The following IQGAP2 variants were observed in gnomAD, a reference collection of about 807,000 sequenced individuals.
IQGAP2 encodes the protein IQ motif containing GTPase activating protein 2.
Under a neutral mutation model 201.3 loss-of-function variants are expected in IQGAP2, and 173 were observed. That is an observed-to-expected ratio of 0.86 (90% CI 0.76 to 0.98). The LOEUF (loss-of-function observed/expected upper bound fraction) is 0.98. Ranked by LOEUF, IQGAP2 falls within the 50% of genes least tolerant of loss-of-function variation. The pLI is 0.00. For missense variants in IQGAP2, 1,687 were observed against 1,864.8 expected (o/e 0.90, Z 1.76); for synonymous variants, 675 against 673.9 (o/e 1.00, Z -0.03).
intron 1 of IQGAP2, among the ~76,000 whole-genome samples, chr5:76,438,622 T>C (rs1289992721): frequency 1.3e-5 from 2 of 152,118 alleles, no homozygotes; most frequent in African/African-American, 4.8e-5. Context: ...TTTGTATTTT[T>C]AGCAGAGATG....
chr5:76,409,825 T>C (rs1019267426), intron 1 of IQGAP2, among the ~76,000 whole-genome samples: 3 of 152,236 alleles, frequency 2.0e-5, no homozygotes, highest in Non-Finnish European at 4.4e-5. Context: ...CTGCTCTATT[T>C]TATTTTTCTC....
rs1266835966 is a variant in IQGAP2 at position 76,575,691 on chromosome 5, A to T, written c.382-2A>T. On this transcript the variant is annotated splice_acceptor_variant, in intron 4 of 35. Coordinates refer to ENST00000274364, the MANE Select transcript of IQGAP2 (RefSeq NM_006633.5). LOFTEE classifies it high-confidence loss of function. ...ATAAATATTGTTTCTTTTGTTTTCC[A>T]GATATTTTATCCAGAAACAACAGAT... 1 of 1,548,596 alleles carries T rather than the reference A, an allele frequency of 6.5e-7. No individual in the cohort carries two copies. The highest frequency in any genetic ancestry group is 8.8e-7 in the Non-Finnish European group (1 of 1,136,698).
At chr5:76,525,748 A>G (rs576943036) in intron 2 of IQGAP2, among the ~76,000 whole-genome samples, 47 of 152,336 alleles carry the variant, frequency 3.1e-4, no homozygotes, top group Admixed American at 2.2e-3. Context: ...AATATTTAAG[A>G]AAACACTTAT....
intron 35 of IQGAP2, among the ~76,000 whole-genome samples, chr5:76,706,030 T>A (rs1747861055): frequency 6.6e-6 from 1 of 152,234 alleles, no homozygotes. Flanking sequence ...GGGCTTGTTC[T>A]CAGTACAGAA....
chr5:76,533,146 C>T (rs960065970), intron 2 of IQGAP2, among the ~76,000 whole-genome samples: 3 of 152,142 alleles, frequency 2.0e-5, no homozygotes, highest in Non-Finnish European at 4.4e-5. Context: ...TTAGTTATCT[C>T]CTTTTTGAAG....
intron 2 of IQGAP2, among the ~76,000 whole-genome samples, chr5:76,510,976 G>A (rs1158118199): frequency 6.6e-6 from 1 of 152,230 alleles, no homozygotes; most frequent in Admixed American, 6.5e-5. Context: ...ATCTATGACA[G>A]TTGGATCATG....
chr5:76,426,569 G>T (rs944702966), intron 1 of IQGAP2, among the ~76,000 whole-genome samples: 6 of 152,162 alleles, frequency 3.9e-5, no homozygotes, highest in African/African-American at 1.2e-4. Flanking sequence ...CAAACACTGG[G>T]GCTTGTGCCA....
intron 1 of IQGAP2, among the ~76,000 whole-genome samples, chr5:76,444,211 C>A (rs1055650025): frequency 2.0e-5 from 3 of 152,088 alleles, no homozygotes; most frequent in Non-Finnish European, 2.9e-5. Context: ...CATAGTGAGA[C>A]CCTGTCTCTA....
chr5:76,635,411 C>T (rs553544877), intron 15 of IQGAP2, among the ~76,000 whole-genome samples: 1 of 152,292 alleles, frequency 6.6e-6, no homozygotes, highest in Middle Eastern at 3.4e-3. Context: ...AAATTTTTTA[C>T]TTCTCAGTTC....
intron 1 of IQGAP2, among the ~76,000 whole-genome samples, chr5:76,442,787 G>T (rs774136288): frequency 6.6e-6 from 1 of 152,130 alleles, no homozygotes; most frequent in Non-Finnish European, 1.5e-5. Flanking sequence ...AGGAATTTGA[G>T]ACCAGCTGGC....
At chr5:76,486,450 T>C (rs887720784) in intron 2 of IQGAP2, among the ~76,000 whole-genome samples, 1 of 152,228 alleles carries the variant, frequency 6.6e-6, no homozygotes, top group African/African-American at 2.4e-5. Flanking sequence ...ATTAATATAC[T>C]GCTTTATGTT....
At position 76,489,189 on chromosome 5, in the gene IQGAP2, G is replaced by A. The variant is rs567598765; in HGVS notation, c.146+27520G>A. Reference sequence around the variant, plus strand: ...GAACAGTTTGACCTATGGATGAGCCGATCTGGAGAGCCTGCCTGGTGGGAG... The same window carrying A: ...GAACAGTTTGACCTATGGATGAGCCAATCTGGAGAGCCTGCCTGGTGGGAG... On this transcript the variant is annotated intron_variant, in intron 2 of 35. Coordinates refer to ENST00000274364, the MANE Select transcript of IQGAP2 (RefSeq NM_006633.5). Among the ~76,000 whole-genome samples the A allele has an allele frequency of 7.1e-4, 108 of 152,234 alleles. 1 individual carries two copies. The highest frequency in any genetic ancestry group is 2.3e-3 in the African/African-American group (94 of 41,534).
At position 76,665,260 on chromosome 5, in the gene IQGAP2, T is replaced by G. The variant is rs11948894; in HGVS notation, c.2679+85T>G. On this transcript the variant is annotated intron_variant, in intron 22 of 35. Transcript: ENST00000274364. ...GCTTACAGGGAGTATTTTGTCATGC[T>G]TCAGCTATAATAGCATACATGTTTT... is the stretch of plus-strand genomic sequence containing the variant. 3.6e-3 allele frequency: 4,210 copies of G among 1,182,864 alleles called. 101 individuals are homozygous for G. The African/African-American group carries it at 0.057, about 16-fold the overall frequency. The allele number at this position is 1,182,864 out of a possible 1,614,324, so 73.3% of individuals were successfully genotyped here.
At chr5:76,610,971 G>C in intron 12 of IQGAP2, 49 bp from the exon 13 acceptor site, 1 of 1,499,604 alleles carries the variant, frequency 6.7e-7, no homozygotes, top group Non-Finnish European at 9.1e-7. Flanking sequence ...TACTAAAGAA[G>C]TTATAATGTA....
chr5:76,413,199 C>T (rs1751230230), intron 1 of IQGAP2, among the ~76,000 whole-genome samples: 1 of 109,580 alleles, frequency 9.1e-6, no homozygotes, highest in Non-Finnish European at 1.7e-5. Flanking sequence ...GATGGAGTCT[C>T]ACTGTGTCGC....
intron 3 of IQGAP2, 122 bp from the exon 4 acceptor site, chr5:76,570,458 A>G: frequency 1.4e-6 from 1 of 707,428 alleles, no homozygotes; most frequent in Non-Finnish European, 2.5e-6. Flanking sequence ...TGTGAACATT[A>G]ATAACTCTGT....
chr5:76,410,370 CT>C (rs1561350648), intron 1 of IQGAP2, among the ~76,000 whole-genome samples: 1 of 152,172 alleles, frequency 6.6e-6, no homozygotes, highest in East Asian at 1.9e-4. Context: ...GATGCAACCC[CT>C]TACTGATGTA....
At chr5:76,535,335 T>A (rs557650356) in intron 2 of IQGAP2, among the ~76,000 whole-genome samples, 3 of 151,528 alleles carry the variant, frequency 2.0e-5, no homozygotes, top group South Asian at 4.2e-4. Context: ...AAAAAAAAAA[T>A]GAACATCTGT....
At chr5:76,467,350 C>T (rs1315555666) in intron 2 of IQGAP2, among the ~76,000 whole-genome samples, 1 of 152,104 alleles carries the variant, frequency 6.6e-6, no homozygotes, top group Non-Finnish European at 1.5e-5. Context: ...AGACATGTCT[C>T]CAAAGAAGAT....
Sources: gnomAD v4.1 joint callset for allele counts (sites outside exome capture counted in the v4.1 genomes callset) on GRCh38, gnomAD v4.1.1 for gene constraint, MANE v1.5 for transcripts, NCBI Gene and HGNC (gene_info 2026-07-23, HGNC 2026-07-21) for gene names.